The following KLF12 variants were observed in gnomAD, a reference collection of about 807,000 sequenced individuals.
KLF12 encodes Krueppel-like factor 12.
Under a neutral mutation model 37.8 loss-of-function variants are expected in KLF12, and 9 were observed. The ratio of observed to expected loss-of-function variants is 0.24; its 90% CI spans 0.14 to 0.42. KLF12 has a LOEUF of 0.42. Among genes scored for constraint, KLF12 ranks in the 10% least tolerant of loss-of-function variants. The pLI is 1.00. For missense variants in KLF12, 411 were observed against 516.0 expected, an observed-to-expected ratio of 0.80 and a Z score of 1.97; for synonymous variants, 208 against 202.1, an observed-to-expected ratio of 1.03 and a Z score of -0.25.
At chr13:73,822,022 G>A (rs1001340315) in intron 4 of KLF12, among the ~76,000 whole-genome samples, 9 of 152,140 alleles carry the variant, frequency 5.9e-5, no homozygotes, top group African/African-American at 2.2e-4. Context: ...CTTGAGAGGG[G>A]AGACCACGTC....
intron 7 of KLF12, among the ~76,000 whole-genome samples, chr13:73,706,344 T>C (rs1347522564): frequency 2.6e-5 from 4 of 152,216 alleles, no homozygotes; most frequent in Admixed American, 6.5e-5. Context: ...TTATTTTTAA[T>C]TGATAGGTTT....
chr13:73,803,135 TA>T (rs1444971241), intron 5 of KLF12, among the ~76,000 whole-genome samples: 1 of 152,208 alleles, frequency 6.6e-6, no homozygotes, highest in Non-Finnish European at 1.5e-5. Flanking sequence ...AGAATTTTTA[TA>T]ACAGCAAGAG....
At chr13:73,882,463 T>C (rs1222657105) in intron 3 of KLF12, among the ~76,000 whole-genome samples, 1 of 152,194 alleles carries the variant, frequency 6.6e-6, no homozygotes, top group Non-Finnish European at 1.5e-5. Flanking sequence ...AAGTAAATAA[T>C]TCTGAATTTA....
chr13:73,797,132 T>C (rs1473479520), intron 5 of KLF12, among the ~76,000 whole-genome samples: 1 of 152,184 alleles, frequency 6.6e-6, no homozygotes, highest in East Asian at 1.9e-4. Context: ...AAAATAAGTG[T>C]TTTATTGTAT....
At chr13:73,962,674 G>A (rs776251285) in intron 2 of KLF12, among the ~76,000 whole-genome samples, 11 of 152,066 alleles carry the variant, frequency 7.2e-5, no homozygotes, top group South Asian at 2.1e-4. Context: ...AAATCTCTTC[G>A]CAAGTTTAAT....
chr13:74,050,627 G>A (rs1172828107), intron 1 of KLF12, among the ~76,000 whole-genome samples: 1 of 152,074 alleles, frequency 6.6e-6, no homozygotes, highest in East Asian at 1.9e-4. Flanking sequence ...ATCAGAAACT[G>A]AAAACACAGA....
the KLF12 span, among the ~76,000 whole-genome samples, chr13:74,170,898 G>T: frequency 6.6e-6 from 1 of 152,082 alleles, no homozygotes. Context: ...CCAAATAGCT[G>T]GGATTGCAGG....
chr13:74,247,987 CT>C, the KLF12 span, among the ~76,000 whole-genome samples: 1 of 152,164 alleles, frequency 6.6e-6, no homozygotes, highest in Non-Finnish European at 1.5e-5. Flanking sequence ...CGCTGGATGC[CT>C]TAAGCTATCT....
chr13:73,814,870 C>T (rs1034403494), intron 4 of KLF12, among the ~76,000 whole-genome samples: 4 of 151,842 alleles, frequency 2.6e-5, no homozygotes, highest in Non-Finnish European at 5.9e-5. Context: ...TGAACCAGTC[C>T]AAAATGGCAG....
At chr13:73,990,669 C>A (rs1046123548) in intron 2 of KLF12, among the ~76,000 whole-genome samples, 1 of 152,016 alleles carries the variant, frequency 6.6e-6, no homozygotes, top group Non-Finnish European at 1.5e-5. Context: ...AAGTTAAATT[C>A]AGTCATTTCA....
chr13:74,146,807 A>T, the KLF12 span, among the ~76,000 whole-genome samples: 1 of 152,214 alleles, frequency 6.6e-6, no homozygotes, highest in South Asian at 2.1e-4. Context: ...CCATTTTAGA[A>T]AAGAGAAAAC....
chr13:73,718,880 C>A (rs554108849), intron 6 of KLF12, among the ~76,000 whole-genome samples: 1 of 152,092 alleles, frequency 6.6e-6, no homozygotes, highest in Admixed American at 6.5e-5. Flanking sequence ...GGTGAAAGAG[C>A]GAGACCTGTC....
chr13:74,215,479 G>A, the KLF12 span, among the ~76,000 whole-genome samples: 1 of 118,672 alleles, frequency 8.4e-6, no homozygotes, highest in Admixed American at 1.0e-4. Flanking sequence ...GAGCCAAGTA[G>A]TTTGTTTGCT....
the KLF12 span, among the ~76,000 whole-genome samples, chr13:74,219,313 G>A: frequency 3.3e-5 from 5 of 152,090 alleles, no homozygotes; most frequent in East Asian, 9.6e-4. Flanking sequence ...CCCATGAGAT[G>A]CTTTTTACTT....
chr13:74,098,586 C>T (rs938573061), intron 1 of KLF12, among the ~76,000 whole-genome samples: 2 of 152,164 alleles, frequency 1.3e-5, no homozygotes, highest in Non-Finnish European at 2.9e-5. Context: ...GCCTAATACC[C>T]TAGAGCCCTA....
chr13:74,188,361 T>A, the KLF12 span, among the ~76,000 whole-genome samples: 1 of 152,144 alleles, frequency 6.6e-6, no homozygotes, highest in Non-Finnish European at 1.5e-5. Context: ...AAATTTAAAT[T>A]AGAATTATAC....
At chr13:73,895,908 C>T (rs1887747062) in intron 3 of KLF12, among the ~76,000 whole-genome samples, 1 of 151,402 alleles carries the variant, frequency 6.6e-6, no homozygotes, top group African/African-American at 2.4e-5. Context: ...GCAACCTTCG[C>T]CTTCTGGATT....
At chr13:73,742,810 G>A (rs886499316) in intron 6 of KLF12, among the ~76,000 whole-genome samples, 2 of 152,060 alleles carry the variant, frequency 1.3e-5, no homozygotes, top group East Asian at 1.9e-4. Flanking sequence ...GAAATGGTGG[G>A]ACATATACTT....
chr13:73,837,556 C>A (rs914701425), intron 4 of KLF12, among the ~76,000 whole-genome samples: 5 of 152,168 alleles, frequency 3.3e-5, no homozygotes, highest in African/African-American at 1.2e-4. Context: ...AGTGAAAATT[C>A]AATATTTCAT....
Sources: allele counts gnomAD v4.1 joint callset (sites outside exome capture counted in the v4.1 genomes callset), GRCh38; gene constraint gnomAD v4.1.1; transcripts MANE v1.5; gene names NCBI Gene and HGNC (gene_info 2026-07-23, HGNC 2026-07-21).